EXOC6: variants seen among roughly 807,000 people sequenced by gnomAD.
EXOC6 encodes the protein exocyst complex component 6.
In EXOC6, 60 loss-of-function variants were observed where a neutral mutation model predicts 112.5. The observed-to-expected ratio is 0.53, with a 90% CI of 0.43 to 0.66. EXOC6 has a LOEUF of 0.66. Ranked by LOEUF, EXOC6 falls within the 30% of genes least tolerant of loss-of-function variation. EXOC6 has a pLI of 0.00. For missense variants in EXOC6, 855 were observed against 957.1 expected (o/e 0.89, Z 1.41); for synonymous variants, 295 against 308.0 (o/e 0.96, Z 0.44).
At chr10:92,998,593 A>G (rs1843599662) in intron 19 of EXOC6, among the ~76,000 whole-genome samples, 1 of 149,472 alleles carries the variant, frequency 6.7e-6, no homozygotes, top group South Asian at 2.2e-4. Flanking sequence ...ATAATTAGAT[A>G]GGCTCTTTGG....
At chr10:92,846,187 G>C (rs759066966), upstream of EXOC6, among the ~76,000 whole-genome samples, 3 of 152,254 alleles carry the variant, frequency 2.0e-5, no homozygotes, top group Non-Finnish European at 4.4e-5. Context: ...GGGCTGGCCT[G>C]AGGAGTGCCT....
intron 8 of EXOC6, among the ~76,000 whole-genome samples, chr10:92,922,492 A>T (rs1373155393): frequency 6.6e-6 from 1 of 152,238 alleles, no homozygotes; most frequent in East Asian, 1.9e-4. Flanking sequence ...TAAAAGGGTT[A>T]CATTAATATG....
intron 12 of EXOC6, among the ~76,000 whole-genome samples, chr10:92,936,242 A>C (rs1314241790): frequency 6.6e-6 from 1 of 152,252 alleles, no homozygotes; most frequent in African/African-American, 2.4e-5. Flanking sequence ...TTCTAGAATC[A>C]CATAGACCCA....
chr10:92,893,310 T>C, intron 1 of EXOC6, 39 bp from the exon 2 acceptor site: 1 of 1,464,916 alleles, frequency 6.8e-7, no homozygotes, highest in Non-Finnish European at 9.2e-7. Context: ...TACTAAATAA[T>C]ACATTTTGGT....
chr10:92,843,517 G>A (rs1846935232), upstream of EXOC6, among the ~76,000 whole-genome samples: 1 of 152,348 alleles, frequency 6.6e-6, no homozygotes, highest in East Asian at 1.9e-4. Flanking sequence ...CCAGGGGTGA[G>A]GAGGGGAATC....
At chr10:92,940,572 T>C (rs1269986368) in intron 12 of EXOC6, among the ~76,000 whole-genome samples, 155 bp from the exon 13 acceptor site, 1 of 152,174 alleles carries the variant, frequency 6.6e-6, no homozygotes, top group Admixed American at 6.5e-5. Context: ...TGCAATGTAG[T>C]AGAAAGTCAA....
chr10:93,012,290 C>T (rs1174442452), intron 19 of EXOC6, among the ~76,000 whole-genome samples: 3 of 152,080 alleles, frequency 2.0e-5, no homozygotes, highest in African/African-American at 7.2e-5. Flanking sequence ...AGTAAGAATT[C>T]ATGTTAAAAC....
At chr10:92,894,166 A>C (rs1042302736) in intron 2 of EXOC6, among the ~76,000 whole-genome samples, 2 of 152,222 alleles carry the variant, frequency 1.3e-5, no homozygotes, top group Non-Finnish European at 2.9e-5. Flanking sequence ...TTCAGATAAC[A>C]AGAGACTAAC....
intron 1 of EXOC6, among the ~76,000 whole-genome samples, chr10:92,858,513 G>A (rs1049412374): frequency 2.0e-5 from 3 of 151,330 alleles, no homozygotes; most frequent in African/African-American, 7.3e-5. Context: ...TCTTCCTTCT[G>A]CCAATTCACA....
intron 8 of EXOC6, among the ~76,000 whole-genome samples, chr10:92,923,050 C>A (rs1029978175): frequency 1.2e-4 from 18 of 152,162 alleles, no homozygotes; most frequent in African/African-American, 4.3e-4. Flanking sequence ...CCCTTTTCAG[C>A]TAGAAGCTAC....
intron 7 of EXOC6, among the ~76,000 whole-genome samples, chr10:92,917,532 T>A (rs887090879): frequency 8.0e-6 from 1 of 124,734 alleles, no homozygotes; most frequent in Non-Finnish European, 1.6e-5. Context: ...TTTTTTTCTT[T>A]CTTTTTTTTT....
intron 1 of EXOC6, among the ~76,000 whole-genome samples, chr10:92,873,216 A>G (rs1017882937): frequency 6.6e-6 from 1 of 152,286 alleles, no homozygotes; most frequent in Admixed American, 6.5e-5. Context: ...GAGGAAGTCT[A>G]TTGCAAATCT....
Position 92,980,227 on chromosome 10 carries a change from T to C in EXOC6, c.1953+5995T>C, listed in dbSNP as rs927049716. ...GTTAGAAATACTTATATTTGAACTTTAGATTTGTAATTTACTAGCTATGGG... is the reference window on the plus strand; with the variant it reads ...GTTAGAAATACTTATATTTGAACTTCAGATTTGTAATTTACTAGCTATGGG... On this transcript the variant is annotated intron_variant, in intron 18 of 21. Transcript: ENST00000260762. 1.2e-4 allele frequency among the ~76,000 whole-genome samples: 19 copies of C among 152,294 alleles called. No individual in the cohort carries two copies. The East Asian group carries it at 3.7e-3, about 29-fold the overall frequency.
chr10:92,959,610 T>C (rs1158871203), intron 17 of EXOC6, among the ~76,000 whole-genome samples: 1 of 152,170 alleles, frequency 6.6e-6, no homozygotes, highest in Non-Finnish European at 1.5e-5. Flanking sequence ...GAAAAAGACT[T>C]ATCTGATAAA....
In EXOC6 at chr10:92,880,335, A is replaced by G. The variant is rs188423698; in HGVS notation, c.102-13014A>G. Among the ~76,000 whole-genome samples the G allele has an allele frequency of 1.1e-3, 172 of 152,302 alleles. 1 individual carries two copies. The highest frequency in any genetic ancestry group is 3.9e-3 in the African/African-American group (160 of 41,558). On this transcript the variant is annotated intron_variant, in intron 1 of 21. Transcript: ENST00000260762. ...AAAAGTCCATGCATGTTTAGTATAG[A>G]CGCAACCACCCATTTTTTTTTTCCT... is the stretch of plus-strand genomic sequence containing the variant.
upstream of EXOC6, among the ~76,000 whole-genome samples, chr10:92,847,825 C>T (rs1220292927): frequency 7.1e-6 from 1 of 140,358 alleles, no homozygotes; most frequent in Non-Finnish European, 1.5e-5. Context: ...AATTACACAT[C>T]GCCCTGGGCC....
chr10:93,014,315 C>T (rs1159712804), intron 20 of EXOC6, 48 bp downstream of exon 20: 1 of 1,427,574 alleles, frequency 7.0e-7, no homozygotes, highest in Non-Finnish European at 9.8e-7. Context: ...TAACTCTTGC[C>T]CTCCCCTCAC....
intron 13 of EXOC6, among the ~76,000 whole-genome samples, chr10:92,942,728 T>C (rs1284495434): frequency 6.6e-6 from 1 of 152,194 alleles, no homozygotes; most frequent in Non-Finnish European, 1.5e-5. Flanking sequence ...ACTGGCCTCT[T>C]CAGAAGGGTG....
chr10:93,014,339 T>A, intron 20 of EXOC6, 72 bp downstream of exon 20: 2 of 1,152,892 alleles, frequency 1.7e-6, no homozygotes, highest in South Asian at 1.3e-5. Context: ...TTTTTTTTAT[T>A]AATGCTACAG....
Sources: allele counts gnomAD v4.1 joint callset (sites outside exome capture counted in the v4.1 genomes callset), GRCh38; gene constraint gnomAD v4.1.1; transcripts MANE v1.5; gene names NCBI Gene and HGNC (gene_info 2026-07-23, HGNC 2026-07-21).